Variants in KCNB2 observed in about 807,000 individuals in gnomAD.
KCNB2 encodes delayed rectifier potassium channel protein.
KCNB2 carries 15 observed loss-of-function variants against 61.5 expected under a neutral mutation model. The ratio of observed to expected loss-of-function variants is 0.24; its 90% CI spans 0.16 to 0.38. The LOEUF is 0.38. Ranked by LOEUF, KCNB2 falls within the 10% of genes least tolerant of loss-of-function variation. The pLI, the probability that KCNB2 is intolerant of heterozygous loss-of-function variation, is 1.00. For missense variants in KCNB2, 828 were observed against 1,125.2 expected, an observed-to-expected ratio of 0.74 and a Z score of 3.78; for synonymous variants, 457 against 446.0, an observed-to-expected ratio of 1.02 and a Z score of -0.31.
chr8:72,807,648 C>G (rs893228845), intron 2 of KCNB2, among the ~76,000 whole-genome samples: 1 of 152,060 alleles, frequency 6.6e-6, no homozygotes, highest in Non-Finnish European at 1.5e-5. Context: ...TCACTGTGTC[C>G]CAAAAAACTG....
chr8:72,725,188 T>G (rs1044469406), intron 2 of KCNB2, among the ~76,000 whole-genome samples: 1 of 152,146 alleles, frequency 6.6e-6, no homozygotes, highest in African/African-American at 2.4e-5. Context: ...TGCCAGATAT[T>G]TTGAAATTTT....
chr8:72,767,007 G>A lies in KCNB2; in HGVS notation c.580-168928G>A, dbSNP rs189155575. On this transcript the variant is annotated intron_variant, in intron 2 of 2. Coordinates refer to ENST00000523207, the MANE Select transcript of KCNB2 (RefSeq NM_004770.3). ...AAAAAAATGAGGAAGAAGCAAAAGC[G>A]GAAACCCCTGATAAACTCATCAGAT... Among the ~76,000 whole-genome samples the A allele has an allele frequency of 2.2e-3, 337 of 152,148 alleles. 1 individual carries two copies. Among genetic ancestry groups the A allele is most frequent in the African/African-American group, 7.7e-3 (321 of 41,512 alleles).
At chr8:72,561,761 G>T (rs57718058) in intron 1 of KCNB2, among the ~76,000 whole-genome samples, 2 of 24,394 alleles carry the variant, frequency 8.2e-5, no homozygotes, top group Admixed American at 5.1e-4. Context: ...ATATATATAT[G>T]GATATATATA....
At chr8:72,853,927 G>A (rs574561377) in intron 2 of KCNB2, among the ~76,000 whole-genome samples, 7 of 152,000 alleles carry the variant, frequency 4.6e-5, no homozygotes, top group African/African-American at 9.7e-5. Context: ...AGATATTTCC[G>A]CAATATTCAG....
intron 2 of KCNB2, among the ~76,000 whole-genome samples, chr8:72,638,606 A>G (rs1806005906): frequency 6.6e-6 from 1 of 152,172 alleles, no homozygotes; most frequent in Non-Finnish European, 1.5e-5. Context: ...TGGAACTACC[A>G]TCTAATTTCT....
At chr8:72,845,989 A>C (rs1410159188) in intron 2 of KCNB2, among the ~76,000 whole-genome samples, 2 of 20,786 alleles carry the variant, frequency 9.6e-5, no homozygotes, top group East Asian at 7.8e-4. Flanking sequence ...CTGGGGTATG[A>C]AAAAAAAAAA....
chr8:72,776,858 G>A (rs562351528), intron 2 of KCNB2, among the ~76,000 whole-genome samples: 81 of 152,172 alleles, frequency 5.3e-4, no homozygotes, highest in Non-Finnish European at 7.6e-4. Context: ...GCTGAGCAAC[G>A]TTGGACCTAA....
At chr8:72,771,900 G>T (rs1808568212) in intron 2 of KCNB2, among the ~76,000 whole-genome samples, 1 of 152,170 alleles carries the variant, frequency 6.6e-6, no homozygotes, top group African/African-American at 2.4e-5. Flanking sequence ...AAATGAAGGA[G>T]ATATCCTCAG....
chr8:72,675,715 G>A (rs1484521219), intron 2 of KCNB2, among the ~76,000 whole-genome samples: 6 of 151,918 alleles, frequency 3.9e-5, no homozygotes, highest in African/African-American at 9.7e-5. Flanking sequence ...CTCCACACTC[G>A]GCTGATTTTT....
intron 2 of KCNB2, among the ~76,000 whole-genome samples, chr8:72,916,134 G>A (rs1585973421): frequency 6.6e-6 from 1 of 152,116 alleles, no homozygotes; most frequent in African/African-American, 2.4e-5. Flanking sequence ...GAGATCTTGG[G>A]AGCTCACTGA....
At chr8:72,756,476 C>T (rs1389487920) in intron 2 of KCNB2, among the ~76,000 whole-genome samples, 1 of 152,202 alleles carries the variant, frequency 6.6e-6, no homozygotes, top group Non-Finnish European at 1.5e-5. Flanking sequence ...TGGCTACATA[C>T]TTGAATCACC....
Position 72,640,614 on chromosome 8 carries a change from A to C in KCNB2, c.579+72301A>C, listed in dbSNP as rs1164695393. On this transcript the variant is annotated intron_variant, in intron 2 of 2. Coordinates refer to ENST00000523207, the MANE Select transcript of KCNB2 (RefSeq NM_004770.3). ...TTTTTTAGAAACTTCATTAAAATTT[A>C]TATTTTTAAGCTTTACAAAATCAGA... Among the ~76,000 whole-genome samples, 3 of 152,118 alleles carry C rather than the reference A, an allele frequency of 2.0e-5. No homozygotes were observed. The South Asian group carries it at 6.2e-4, about 31-fold the overall frequency.
rs540564465 is a variant in KCNB2 at position 72,815,215 on chromosome 8, G to A, written c.580-120720G>A. Among the ~76,000 whole-genome samples the A allele has an allele frequency of 3.4e-4, 52 of 152,258 alleles. 2 individuals are homozygous for A. In the South Asian group the frequency reaches 8.1e-3, roughly 24 times the overall value. ...TTAAGGAAGAAAGGAAATGGAAATGGAAGGAGTAAAACAGAGAAGTGGGAA... is the reference window on the plus strand; with the variant it reads ...TTAAGGAAGAAAGGAAATGGAAATGAAAGGAGTAAAACAGAGAAGTGGGAA... On this transcript the variant is annotated intron_variant, in intron 2 of 2. Coordinates refer to ENST00000523207, the MANE Select transcript of KCNB2 (RefSeq NM_004770.3).
At chr8:72,767,846 G>T (rs767811771) in intron 2 of KCNB2, among the ~76,000 whole-genome samples, 1 of 152,136 alleles carries the variant, frequency 6.6e-6, no homozygotes, top group Non-Finnish European at 1.5e-5. Context: ...ATGAAAGAGG[G>T]TTTCAGTTTC....
At chr8:72,905,311 C>T (rs995963567) in intron 2 of KCNB2, among the ~76,000 whole-genome samples, 10 of 152,104 alleles carry the variant, frequency 6.6e-5, no homozygotes, top group Non-Finnish European at 1.0e-4. Context: ...TTAGTCTGGC[C>T]ACCTAAAATA....
chr8:72,614,952 C>T (rs1805595581), intron 2 of KCNB2, among the ~76,000 whole-genome samples: 2 of 152,060 alleles, frequency 1.3e-5, no homozygotes, highest in African/African-American at 4.8e-5. Context: ...TATGTATTGT[C>T]CCTGGGAGGC....
chr8:72,603,018 T>C (rs1805378613), intron 2 of KCNB2, among the ~76,000 whole-genome samples: 1 of 152,182 alleles, frequency 6.6e-6, no homozygotes, highest in South Asian at 2.1e-4. Context: ...ATTCATCCCT[T>C]ACTTTCTACA....
At chr8:72,886,331 T>A (rs1179723473) in intron 2 of KCNB2, among the ~76,000 whole-genome samples, 1 of 152,154 alleles carries the variant, frequency 6.6e-6, no homozygotes, top group Non-Finnish European at 1.5e-5. Flanking sequence ...TCTGTTATCC[T>A]AAAACCTGTT....
intron 2 of KCNB2, among the ~76,000 whole-genome samples, chr8:72,739,813 T>C (rs1807917876): frequency 6.6e-6 from 1 of 152,178 alleles, no homozygotes; most frequent in Non-Finnish European, 1.5e-5. Flanking sequence ...AGTAGTACCA[T>C]ATTGTTCACC....
Sources: gnomAD v4.1 joint callset for allele counts (sites outside exome capture counted in the v4.1 genomes callset) on GRCh38, gnomAD v4.1.1 for gene constraint, MANE v1.5 for transcripts, NCBI Gene and HGNC (gene_info 2026-07-23, HGNC 2026-07-21) for gene names.